Variants in PLXDC2 observed in about 807,000 individuals in gnomAD.
The protein encoded by PLXDC2 is plexin domain-containing protein 2.
PLXDC2 carries 40 observed loss-of-function variants against 68.9 expected under a neutral mutation model. That is an observed-to-expected ratio of 0.58 (90% CI 0.45 to 0.76). PLXDC2 has a LOEUF of 0.76. PLXDC2 is among the 30% of genes least tolerant of loss of function. The pLI is 0.00. For synonymous variants in PLXDC2, 243 were observed against 234.2 expected (o/e 1.04, Z -0.34); for missense variants, 644 against 661.9 (o/e 0.97, Z 0.30).
intron 1 of PLXDC2, among the ~76,000 whole-genome samples, chr10:19,914,903 T>C (rs1459024666): frequency 1.3e-5 from 2 of 152,202 alleles, no homozygotes; most frequent in African/African-American, 2.4e-5. Context: ...GTCTACTTTA[T>C]GTGGTATTAA....
chr10:19,863,950 T>C (rs1376147222), intron 1 of PLXDC2, among the ~76,000 whole-genome samples: 1 of 152,172 alleles, frequency 6.6e-6, no homozygotes, highest in East Asian at 1.9e-4. Context: ...ACATACTGTT[T>C]TCTTAGGTGA....
At chr10:20,019,551 G>A (rs1835268929) in intron 2 of PLXDC2, among the ~76,000 whole-genome samples, 1 of 152,156 alleles carries the variant, frequency 6.6e-6, no homozygotes, top group Non-Finnish European at 1.5e-5. Context: ...GGCAATTAAG[G>A]TTAATGAGGT....
At chr10:19,857,300 A>G (rs935777195) in intron 1 of PLXDC2, among the ~76,000 whole-genome samples, 1 of 152,220 alleles carries the variant, frequency 6.6e-6, no homozygotes, top group Non-Finnish European at 1.5e-5. Context: ...AAAATGGCCT[A>G]GAACTAAATC....
At chr10:19,832,446 A>G (rs1355656748) in intron 1 of PLXDC2, among the ~76,000 whole-genome samples, 1 of 152,186 alleles carries the variant, frequency 6.6e-6, no homozygotes, top group Non-Finnish European at 1.5e-5. Flanking sequence ...ATTATATCTC[A>G]TATTCTTTAT....
At chr10:19,865,906 T>G (rs1287945606) in intron 1 of PLXDC2, among the ~76,000 whole-genome samples, 1 of 152,206 alleles carries the variant, frequency 6.6e-6, no homozygotes, top group African/African-American at 2.4e-5. Context: ...AACAAGCACA[T>G]GGCTACCATT....
chr10:19,970,687 T>C lies in PLXDC2; in HGVS notation c.113-31088T>C, dbSNP rs16919632. On this transcript the variant is annotated intron_variant, in intron 1 of 13. Transcript: ENST00000377252. ...GACATATTTTAGATGCTTTTGACTA[T>C]GAAATTCTCAAATCCTCAATTGTGG... Among the ~76,000 whole-genome samples the C allele has an allele frequency of 1.6e-4, 25 of 152,336 alleles. 1 individual carries two copies. Among genetic ancestry groups the C allele is most frequent in the African/African-American group, 5.8e-4 (24 of 41,580 alleles).
At chr10:19,990,511 T>TAA (rs112190431) in intron 1 of PLXDC2, among the ~76,000 whole-genome samples, 146,527 of 152,216 alleles carry the variant, frequency 0.96, 70,571 homozygotes, top group East Asian at 1. Context: ...CGCTGGATTC[T>TAA]AAGTGTTAGA....
At chr10:20,017,590 A>C (rs1835234701) in intron 2 of PLXDC2, among the ~76,000 whole-genome samples, 1 of 152,228 alleles carries the variant, frequency 6.6e-6, no homozygotes, top group Non-Finnish European at 1.5e-5. Flanking sequence ...CTTTGCCCTC[A>C]CACAGACTTC....
chr10:20,256,905 GA>G (rs1835749685), intron 13 of PLXDC2, among the ~76,000 whole-genome samples: 1 of 152,154 alleles, frequency 6.6e-6, no homozygotes, highest in Non-Finnish European at 1.5e-5. Flanking sequence ...TGAAAAGCAG[GA>G]TAGCACTTCT....
chr10:19,894,272 T>A (rs1470395367), intron 1 of PLXDC2, among the ~76,000 whole-genome samples: 1 of 151,406 alleles, frequency 6.6e-6, no homozygotes, highest in East Asian at 1.9e-4. Flanking sequence ...AAAACTGATG[T>A]TTTCCTTTTT....
chr10:19,907,847 ATG>A (rs1833194903), intron 1 of PLXDC2, among the ~76,000 whole-genome samples: 1 of 152,174 alleles, frequency 6.6e-6, no homozygotes, highest in Non-Finnish European at 1.5e-5. Context: ...CTTTATTGCC[ATG>A]AACCTCACGC....
intron 12 of PLXDC2, among the ~76,000 whole-genome samples, chr10:20,235,876 T>C (rs1835425776): frequency 6.6e-6 from 1 of 152,246 alleles, no homozygotes; most frequent in Non-Finnish European, 1.5e-5. Context: ...CTCTGTTCTG[T>C]ACCTCCAAAC....
chr10:20,069,298 T>C (rs79413725), intron 4 of PLXDC2, among the ~76,000 whole-genome samples: 2,747 of 152,212 alleles, frequency 0.018, 91 homozygotes, highest in African/African-American at 0.063. Flanking sequence ...ACCACTGCCT[T>C]AGAGGTGTGT....
chr10:20,163,132 C>G (rs1167560659), intron 6 of PLXDC2, among the ~76,000 whole-genome samples: 1 of 152,020 alleles, frequency 6.6e-6, no homozygotes, highest in Admixed American at 6.6e-5. Flanking sequence ...TTGTGTGTTT[C>G]TGTTATCCAA....
chr10:19,899,716 T>A (rs1434449353), intron 1 of PLXDC2, among the ~76,000 whole-genome samples: 11 of 152,186 alleles, frequency 7.2e-5, no homozygotes, highest in African/African-American at 2.7e-4. Context: ...AGTAGCCAAA[T>A]ATGAAAAGAT....
chr10:20,020,178 A>AT lies in PLXDC2; in HGVS notation c.324+18214dup, dbSNP rs71388889. ...AAACACATGCCACCACACCCAGCAA[A>AT]TTTTTTTTTTTTTTTTTTTTTTGTA... On this transcript the variant is annotated intron_variant, in intron 2 of 13. Coordinates refer to ENST00000377252, the MANE Select transcript of PLXDC2 (RefSeq NM_032812.9). Among the ~76,000 whole-genome samples the AT allele has an allele frequency of 4.8e-3, 512 of 107,312 alleles. 4 individuals are homozygous for AT. The highest frequency in any genetic ancestry group is 0.013 in the East Asian group (44 of 3,274). 70.4% of individuals were successfully genotyped at this position (107,312 alleles called of 152,430 possible). A position where few individuals can be genotyped will look rare whatever the true frequency, so the allele number is the denominator to read the frequency against.
At chr10:20,211,363 A>G (rs1397450446) in intron 9 of PLXDC2, among the ~76,000 whole-genome samples, 1 of 152,192 alleles carries the variant, frequency 6.6e-6, no homozygotes, top group Non-Finnish European at 1.5e-5. Flanking sequence ...AATCCACTTC[A>G]TAGAAGAGCG....
At chr10:19,963,825 T>G (rs1157139518) in intron 1 of PLXDC2, among the ~76,000 whole-genome samples, 1 of 151,594 alleles carries the variant, frequency 6.6e-6, no homozygotes, top group African/African-American at 2.4e-5. Flanking sequence ...ACCCTAGAAC[T>G]TGAAGTATAA....
intron 2 of PLXDC2, among the ~76,000 whole-genome samples, chr10:20,035,628 G>T (rs1318414040): frequency 6.6e-6 from 1 of 151,976 alleles, no homozygotes; most frequent in Non-Finnish European, 1.5e-5. Flanking sequence ...CCCGGGAGGT[G>T]GAAGTTGCAG....
Sources: gnomAD v4.1 joint callset for allele counts (sites outside exome capture counted in the v4.1 genomes callset) on GRCh38, gnomAD v4.1.1 for gene constraint, MANE v1.5 for transcripts, NCBI Gene and HGNC (gene_info 2026-07-23, HGNC 2026-07-21) for gene names.